Variants in SPMAP2 observed in about 807,000 individuals in gnomAD.
The protein encoded by SPMAP2 is Theg homolog.
the SPMAP2 span, chr19:362,475 C>T: frequency 1.2e-5 from 17 of 1,471,460 alleles, no homozygotes; most frequent in African/African-American, 2.2e-4. Flanking sequence ...AACCTCAAAG[C>T]TCCACATTCA....
chr19:371,861 C>T, the SPMAP2 span, among the ~76,000 whole-genome samples: 1 of 152,242 alleles, frequency 6.6e-6, no homozygotes, highest in Non-Finnish European at 1.5e-5. Context: ...AAGGCAAGGT[C>T]TCCACATTGA....
At chr19:367,034 A>T in the SPMAP2 span, 1 of 1,611,294 alleles carries the variant, frequency 6.2e-7, no homozygotes, top group Admixed American at 1.7e-5. Context: ...ACAGGACATC[A>T]GGAAATGCCT....
the SPMAP2 span, chr19:374,275 G>T: frequency 6.2e-7 from 1 of 1,611,926 alleles, no homozygotes; most frequent in Non-Finnish European, 8.5e-7. Flanking sequence ...GCCCCTACGA[G>T]GCCGTGGTCT....
At chr19:362,765 TA>T in the SPMAP2 span, among the ~76,000 whole-genome samples, 1,414 of 57,464 alleles carry the variant, frequency 0.025, 14 homozygotes, top group East Asian at 0.14. Context: ...GACTCCATCT[TA>T]AAAAAAAAAA....
At chr19:375,078 C>T in the SPMAP2 span, among the ~76,000 whole-genome samples, 4 of 152,224 alleles carry the variant, frequency 2.6e-5, no homozygotes, top group East Asian at 5.8e-4. Context: ...AGGTCGGGCA[C>T]GTGCAGGGAC....
chr19:371,183 G>T, the SPMAP2 span: 5 of 1,377,786 alleles, frequency 3.6e-6, no homozygotes, highest in Admixed American at 2.6e-5. Context: ...GGGGTGAGTC[G>T]CGGGGGGCAC....
At chr19:372,771 T>A in the SPMAP2 span, 12 of 1,480,934 alleles carry the variant, frequency 8.1e-6, no homozygotes, top group African/African-American at 5.5e-5. Context: ...GGCTTCTGCA[T>A]GCGGAATTCA....
the SPMAP2 span, among the ~76,000 whole-genome samples, chr19:373,311 C>T: frequency 6.6e-6 from 1 of 152,226 alleles, no homozygotes; most frequent in African/African-American, 2.4e-5. Flanking sequence ...CAGGACCAGT[C>T]TCAGCTCTAG....
chr19:365,974 C>T, the SPMAP2 span, among the ~76,000 whole-genome samples: 1 of 152,150 alleles, frequency 6.6e-6, no homozygotes, highest in Admixed American at 6.6e-5. Context: ...AAACCTGTCT[C>T]TACTAAAAAT....
At chr19:364,195 G>A in the SPMAP2 span, among the ~76,000 whole-genome samples, 1 of 150,770 alleles carries the variant, frequency 6.6e-6, no homozygotes, top group Non-Finnish European at 1.5e-5. Flanking sequence ...AAATTAGCCG[G>A]GCGTGGTGGC....
the SPMAP2 span, among the ~76,000 whole-genome samples, chr19:368,273 G>C: frequency 6.6e-6 from 1 of 152,138 alleles, no homozygotes; most frequent in African/African-American, 2.4e-5. The surrounding 1 kb of genome is among the most constrained non-coding windows in gnomAD (Gnocchi z 4.1). Flanking sequence ...AGTACTGCGC[G>C]GCGCTCAGAC....
chr19:372,471 G>C, the SPMAP2 span, among the ~76,000 whole-genome samples: 1 of 152,220 alleles, frequency 6.6e-6, no homozygotes, highest in Non-Finnish European at 1.5e-5. Flanking sequence ...GAAGCAGCCT[G>C]CTGGGGATGT....
At chr19:367,328 G>T in the SPMAP2 span, 2,551 of 1,136,524 alleles carry the variant, frequency 2.2e-3, 6 homozygotes, top group Non-Finnish European at 2.9e-3. Context: ...ACACAAGACA[G>T]ACTGGGAAGA....
the SPMAP2 span, among the ~76,000 whole-genome samples, chr19:369,993 C>A: frequency 5.3e-5 from 8 of 152,066 alleles, no homozygotes; most frequent in Admixed American, 2.6e-4. Context: ...AGAGGCCTGA[C>A]AACAGGGACA....
the SPMAP2 span, chr19:371,369 G>T: frequency 0.34 from 284,642 of 844,098 alleles, 38,390 homozygotes; most frequent in Non-Finnish European, 0.38. Context: ...CGGGGGTGGG[G>T]GTGTGTGTGT....
the SPMAP2 span, among the ~76,000 whole-genome samples, chr19:363,843 T>C: frequency 6.6e-6 from 1 of 151,864 alleles, no homozygotes; most frequent in African/African-American, 2.4e-5. Context: ...CCCCATTTTA[T>C]TTTATTTTGA....
the SPMAP2 span, among the ~76,000 whole-genome samples, chr19:364,026 G>A: frequency 1.3e-5 from 2 of 152,028 alleles, no homozygotes; most frequent in South Asian, 4.2e-4. Context: ...CTTAAAACAG[G>A]GTGAATTACA....
the SPMAP2 span, among the ~76,000 whole-genome samples, chr19:368,910 G>T: frequency 1.3e-5 from 2 of 152,202 alleles, no homozygotes; most frequent in East Asian, 3.9e-4. The surrounding 1 kb of genome is among the most constrained non-coding windows in gnomAD (Gnocchi z 4.1). Context: ...CTTTCAAGGA[G>T]CTCCAGTCCT....
chr19:362,622 G>C, the SPMAP2 span, among the ~76,000 whole-genome samples: 1 of 152,026 alleles, frequency 6.6e-6, no homozygotes, highest in Non-Finnish European at 1.5e-5. Flanking sequence ...ACAAGAATTA[G>C]CTGAGCGTGG....
Sources: gnomAD v4.1 joint callset for allele counts (sites outside exome capture counted in the v4.1 genomes callset) on GRCh38, gnomAD v4.1.1 for gene constraint, Gnocchi (gnomAD v3.1) non-coding constraint, MANE v1.5 for transcripts, NCBI Gene and HGNC (gene_info 2026-07-23, HGNC 2026-07-21) for gene names.